PBX3: variants seen among roughly 807,000 people sequenced by gnomAD.
The protein encoded by PBX3 is PBX homeobox 3, also known as pre-B-cell leukemia transcription factor 3.
In PBX3, 14 loss-of-function variants were observed where a neutral mutation model predicts 48.5. The ratio of observed to expected loss-of-function variants is 0.29; its 90% CI spans 0.19 to 0.45. The LOEUF (loss-of-function observed/expected upper bound fraction) is 0.45, where lower values mean the gene tolerates loss of function less well. Among genes scored for constraint, PBX3 ranks in the 20% least tolerant of loss-of-function variants. The pLI is 1.00. For synonymous variants in PBX3, 210 were observed against 200.3 expected, an observed-to-expected ratio of 1.05 and a Z score of -0.41; for missense variants, 386 against 546.7, an observed-to-expected ratio of 0.71 and a Z score of 2.93.
chr9:125,874,659 T>A (rs1016673268), intron 2 of PBX3, among the ~76,000 whole-genome samples: 4 of 152,168 alleles, frequency 2.6e-5, no homozygotes, highest in African/African-American at 9.7e-5. Context: ...ATAGAATACA[T>A]TAAATGAATC....
At chr9:125,961,482 A>G (rs1842429574) in intron 6 of PBX3, among the ~76,000 whole-genome samples, 1 of 152,248 alleles carries the variant, frequency 6.6e-6, no homozygotes, top group South Asian at 2.1e-4. Context: ...AACTTGAATA[A>G]CAATGAAAGA....
intron 2 of PBX3, among the ~76,000 whole-genome samples, chr9:125,790,485 C>G (rs1837569526): frequency 6.6e-6 from 1 of 152,002 alleles, no homozygotes; most frequent in Non-Finnish European, 1.5e-5. Context: ...AACTCCCGAG[C>G]TCAGGCAATC....
rs191529646 is a variant in PBX3 at position 125,905,712 on chromosome 9, C to T, written c.275-9974C>T. Among the ~76,000 whole-genome samples, 8 of 152,090 alleles carry T rather than the reference C, an allele frequency of 5.3e-5. No individual in the cohort carries two copies. In the East Asian group the frequency reaches 1.5e-3, roughly 29 times the overall value. On this transcript the variant is annotated intron_variant, in intron 2 of 8. Coordinates refer to ENST00000373489, the MANE Select transcript of PBX3 (RefSeq NM_006195.6). ...TCAATTGTGGAAAATTGTGAATACA[C>T]TTGCACTAGAATGTTTCATTTTATT... is the stretch of plus-strand genomic sequence containing the variant.
chr9:125,778,556 CT>C (rs1475034096), intron 2 of PBX3, among the ~76,000 whole-genome samples: 2 of 149,496 alleles, frequency 1.3e-5, no homozygotes, highest in Admixed American at 6.6e-5. Context: ...TGCGCCCGGC[CT>C]TTTTTTTCCT....
chr9:125,962,941 T>G (rs549408727), intron 7 of PBX3, 71 bp from the exon 8 acceptor site: 1 of 770,864 alleles, frequency 1.3e-6, no homozygotes, highest in African/African-American at 1.7e-5. Flanking sequence ...ATAATTCAAA[T>G]TATTTCCTTT....
At chr9:125,825,813 C>A (rs950961322) in intron 2 of PBX3, among the ~76,000 whole-genome samples, 3 of 152,108 alleles carry the variant, frequency 2.0e-5, no homozygotes, top group Admixed American at 1.3e-4. Context: ...AACAAGTGTC[C>A]ATTTTTCTTT....
At chr9:125,912,746 A>C (rs774171761) in intron 2 of PBX3, among the ~76,000 whole-genome samples, 1 of 152,198 alleles carries the variant, frequency 6.6e-6, no homozygotes, top group Non-Finnish European at 1.5e-5. Context: ...AAAAACAAGT[A>C]CAATCAAATT....
chr9:125,929,611 T>C (rs1212826701), intron 3 of PBX3, 44 bp from the exon 4 acceptor site: 2 of 1,346,568 alleles, frequency 1.5e-6, no homozygotes, highest in Non-Finnish European at 2.1e-6. Flanking sequence ...CTTCGTGTGA[T>C]AGTAGATAGT....
At chr9:125,923,777 G>GCTGGTCTT (rs1841507699) in intron 3 of PBX3, among the ~76,000 whole-genome samples, 1 of 151,834 alleles carries the variant, frequency 6.6e-6, no homozygotes, top group African/African-American at 2.4e-5. Context: ...TGTTGCCCAG[G>GCTGGTCTT]CTGGTCTTGT....
intron 2 of PBX3, among the ~76,000 whole-genome samples, chr9:125,870,639 G>A (rs1840099587): frequency 6.6e-6 from 1 of 152,046 alleles, no homozygotes; most frequent in African/African-American, 2.4e-5. Flanking sequence ...GTTTGGGTGG[G>A]GACACAGCCA....
At chr9:125,765,342 T>C (rs970930815) in intron 2 of PBX3, among the ~76,000 whole-genome samples, 3 of 152,190 alleles carry the variant, frequency 2.0e-5, no homozygotes, top group Non-Finnish European at 2.9e-5. Flanking sequence ...TACAGACTGT[T>C]GTTCACCATG....
At chr9:125,757,130 C>T (rs1240771691) in intron 2 of PBX3, among the ~76,000 whole-genome samples, 1 of 152,038 alleles carries the variant, frequency 6.6e-6, no homozygotes, top group Non-Finnish European at 1.5e-5. Context: ...GGGAGGAAAT[C>T]ATTGCATTAA....
At chr9:125,856,456 T>C (rs1261695988) in intron 2 of PBX3, among the ~76,000 whole-genome samples, 2 of 152,108 alleles carry the variant, frequency 1.3e-5, no homozygotes, top group Admixed American at 1.3e-4. Context: ...AACACGCATA[T>C]TAAATAGGGA....
At chr9:125,935,300 A>T (rs1841810960) in intron 4 of PBX3, among the ~76,000 whole-genome samples, 172 bp from the exon 5 acceptor site, 1 of 152,214 alleles carries the variant, frequency 6.6e-6, no homozygotes, top group Non-Finnish European at 1.5e-5. Flanking sequence ...AATGAGTTGG[A>T]TAATGCCTTG....
chr9:125,876,316 G>A (rs1840246102), intron 2 of PBX3, among the ~76,000 whole-genome samples: 1 of 151,760 alleles, frequency 6.6e-6, no homozygotes, highest in African/African-American at 2.4e-5. Flanking sequence ...TTAATAATTG[G>A]CCCCTGAACA....
At chr9:125,890,111 T>C (rs1021853498) in intron 2 of PBX3, among the ~76,000 whole-genome samples, 4 of 152,166 alleles carry the variant, frequency 2.6e-5, no homozygotes, top group Non-Finnish European at 5.9e-5. Context: ...AAACTTGATT[T>C]GAGGCCTGGC....
chr9:125,891,326 A>G (rs999993656), intron 2 of PBX3, among the ~76,000 whole-genome samples: 4 of 152,236 alleles, frequency 2.6e-5, no homozygotes, highest in Non-Finnish European at 5.9e-5. Context: ...AGTGAAATAT[A>G]TAAAGATGCA....
intron 5 of PBX3, among the ~76,000 whole-genome samples, chr9:125,945,336 T>C (rs12347663): frequency 2.4e-4 from 36 of 152,290 alleles, no homozygotes; most frequent in Admixed American, 1.8e-3. Context: ...AGTGAAGATA[T>C]AATAGTAATT....
chr9:125,785,873 T>C (rs1837444313), intron 2 of PBX3, among the ~76,000 whole-genome samples: 1 of 151,936 alleles, frequency 6.6e-6, no homozygotes, highest in African/African-American at 2.4e-5. Flanking sequence ...CTAAACCAGG[T>C]TGGGAGATGA....
Sources: allele counts gnomAD v4.1 joint callset (sites outside exome capture counted in the v4.1 genomes callset), GRCh38; gene constraint gnomAD v4.1.1; transcripts MANE v1.5; gene names NCBI Gene and HGNC (gene_info 2026-07-23, HGNC 2026-07-21).